MAST4: variants seen among roughly 807,000 people sequenced by gnomAD.
MAST4 encodes microtubule associated serine/threonine kinase family member 4, also known as microtubule-associated serine/threonine-protein kinase 4.
Under a neutral mutation model 162.7 loss-of-function variants are expected in MAST4, and 89 were observed. The observed-to-expected ratio is 0.55, with a 90% CI of 0.46 to 0.65. The LOEUF (loss-of-function observed/expected upper bound fraction) is 0.65, where lower values mean the gene tolerates loss of function less well. Ranked by LOEUF, MAST4 falls within the 30% of genes least tolerant of loss-of-function variation. The probability of loss-of-function intolerance (pLI) is 0.00; values close to 1 mark genes in which losing one functional copy is unlikely to be tolerated. For synonymous variants in MAST4, 1,479 were observed against 1,361.1 expected, an observed-to-expected ratio of 1.09 and a Z score of -1.91; for missense variants, 3,153 against 3,374.0, an observed-to-expected ratio of 0.93 and a Z score of 1.62.
intron 14 of MAST4, among the ~76,000 whole-genome samples, chr5:67,124,742 G>C (rs553270611): frequency 6.6e-6 from 1 of 152,274 alleles, no homozygotes; most frequent in South Asian, 2.1e-4. Context: ...AGGATTAACT[G>C]ATTATTGTAA....
chr5:66,626,268 G>A (rs1467281138), intron 1 of MAST4, among the ~76,000 whole-genome samples: 2 of 151,112 alleles, frequency 1.3e-5, no homozygotes, highest in Non-Finnish European at 3.0e-5. Context: ...ATATACACAC[G>A]TGCACAAATG....
intron 26 of MAST4, among the ~76,000 whole-genome samples, chr5:67,155,276 T>C (rs1201034243): frequency 6.6e-6 from 1 of 152,204 alleles, no homozygotes; most frequent in African/African-American, 2.4e-5. Context: ...ATCCATGGAA[T>C]TATAAAATGT....
chr5:67,118,625 A>C, intron 12 of MAST4, 57 bp from the exon 13 acceptor site: 35 of 989,364 alleles, frequency 3.5e-5, no homozygotes, highest in Non-Finnish European at 4.8e-5. Flanking sequence ...TCAGCTTAGT[A>C]TTCTTATCCA....
chr5:66,860,319 T>C (rs1206837388), intron 3 of MAST4, among the ~76,000 whole-genome samples: 2 of 152,206 alleles, frequency 1.3e-5, no homozygotes, highest in Admixed American at 1.3e-4. Flanking sequence ...ATTTAAAAAA[T>C]CACAGATCCA....
At chr5:66,825,200 A>G (rs1757182062) in intron 3 of MAST4, among the ~76,000 whole-genome samples, 1 of 151,320 alleles carries the variant, frequency 6.6e-6, no homozygotes, top group South Asian at 2.1e-4. Context: ...TGTTTTCTTT[A>G]AGCTTTTTTC....
rs147122653 is a variant in MAST4 at position 67,113,087 on chromosome 5, G to T, written c.1459-1000G>T. Reference sequence around the variant, plus strand: ...CCAGCACTTTGGGAGGCCAAGGTGGGTGGATCACGAGGTCAGGAGATCGAG... The same window carrying T: ...CCAGCACTTTGGGAGGCCAAGGTGGTTGGATCACGAGGTCAGGAGATCGAG... On this transcript the variant is annotated intron_variant, in intron 11 of 28. Transcript: ENST00000403625. Among the ~76,000 whole-genome samples the T allele has an allele frequency of 2.8e-3, 420 of 152,264 alleles. 2 individuals carry two copies. Among genetic ancestry groups the T allele is most frequent in the African/African-American group, 9.2e-3 (384 of 41,544 alleles).
At chr5:66,900,027 ATAGTT>A (rs1470812308) in intron 4 of MAST4, 45 bp downstream of exon 4, 1 of 1,287,282 alleles carries the variant, frequency 7.8e-7, no homozygotes, top group East Asian at 2.7e-5. Flanking sequence ...TTATTAATAT[ATAGTT>A]TATAGTATGA....
intron 4 of MAST4, among the ~76,000 whole-genome samples, chr5:66,936,448 C>T (rs1025072173): frequency 2.2e-4 from 33 of 152,104 alleles, no homozygotes; most frequent in African/African-American, 5.3e-4. Flanking sequence ...GGGCTAAGTC[C>T]GAAAAGAGAG....
chr5:66,809,570 T>C (rs572011715), intron 3 of MAST4, among the ~76,000 whole-genome samples: 2 of 152,304 alleles, frequency 1.3e-5, no homozygotes, highest in South Asian at 2.1e-4. Context: ...TGTTATTCCA[T>C]TGACATTTTT....
At chr5:66,879,436 T>C (rs1464163434) in intron 3 of MAST4, among the ~76,000 whole-genome samples, 1 of 152,084 alleles carries the variant, frequency 6.6e-6, no homozygotes, top group Non-Finnish European at 1.5e-5. Flanking sequence ...GTATTTCTGG[T>C]TTCTAAAACT....
intron 2 of MAST4, among the ~76,000 whole-genome samples, chr5:66,760,077 C>CAATTAATT (rs58766667): frequency 1.8e-3 from 264 of 147,264 alleles, no homozygotes; most frequent in African/African-American, 6.4e-3. Context: ...ACAATATCCC[C>CAATTAATT]TATTTATTTA....
intron 16 of MAST4, 119 bp downstream of exon 16, chr5:67,132,070 G>C (rs1769039489): frequency 8.4e-7 from 1 of 1,184,194 alleles, no homozygotes; most frequent in Admixed American, 2.3e-5. Context: ...TGTCCAAAAT[G>C]AGTTGTTTTA....
intron 2 of MAST4, among the ~76,000 whole-genome samples, chr5:66,768,451 G>GTATTCCAT (rs1754209155): frequency 2.0e-5 from 3 of 152,144 alleles, no homozygotes; most frequent in South Asian, 4.1e-4. Context: ...AATACTACTT[G>GTATTCCAT]GCAGTAAAAA....
intron 3 of MAST4, among the ~76,000 whole-genome samples, chr5:66,836,621 G>T (rs1448766089): frequency 6.6e-6 from 1 of 152,146 alleles, no homozygotes; most frequent in African/African-American, 2.4e-5. Context: ...CTGTAAAAAT[G>T]AATGAGATCA....
chr5:66,889,832 T>G (rs1762258376), intron 3 of MAST4, among the ~76,000 whole-genome samples: 1 of 152,256 alleles, frequency 6.6e-6, no homozygotes, highest in South Asian at 2.1e-4. Flanking sequence ...TGTATTATTT[T>G]CATTTTGTAA....
At chr5:67,062,672 T>A (rs1486661295) in intron 5 of MAST4, among the ~76,000 whole-genome samples, 8 of 152,194 alleles carry the variant, frequency 5.3e-5, no homozygotes, top group Admixed American at 5.2e-4. Flanking sequence ...TAGGTGCTCA[T>A]GGAGTCATAA....
chr5:66,951,283 G>A (rs1275942683), intron 4 of MAST4, among the ~76,000 whole-genome samples: 1 of 152,114 alleles, frequency 6.6e-6, no homozygotes, highest in Non-Finnish European at 1.5e-5. Flanking sequence ...CCTAAGAAAA[G>A]GGGACTTGCT....
intron 4 of MAST4, among the ~76,000 whole-genome samples, chr5:67,013,403 T>C (rs150689835): frequency 4.4e-4 from 67 of 152,304 alleles, no homozygotes; most frequent in African/African-American, 1.5e-3. Context: ...CTTAGGGTCA[T>C]AGAATTAGAA....
At chr5:66,786,217 C>T (rs1755111979) in intron 2 of MAST4, among the ~76,000 whole-genome samples, 1 of 151,802 alleles carries the variant, frequency 6.6e-6, no homozygotes, top group Non-Finnish European at 1.5e-5. Context: ...AAATTCTTCA[C>T]TGAGTAAAAA....
Sources: gnomAD v4.1 joint callset for allele counts (sites outside exome capture counted in the v4.1 genomes callset) on GRCh38, gnomAD v4.1.1 for gene constraint, MANE v1.5 for transcripts, NCBI Gene and HGNC (gene_info 2026-07-23, HGNC 2026-07-21) for gene names.